The following KCNK13 variants were observed in gnomAD, a reference collection of about 807,000 sequenced individuals.
The protein encoded by KCNK13 is potassium two pore domain channel subfamily K member 13, also known as potassium channel subfamily K member 13.
In KCNK13, 12 loss-of-function variants were observed where a neutral mutation model predicts 23.4. The ratio of observed to expected loss-of-function variants is 0.51; its 90% CI spans 0.33 to 0.83. The LOEUF is 0.83. KCNK13 is among the 40% of genes least tolerant of loss of function. KCNK13 has a pLI of 0.02. For synonymous variants in KCNK13, 231 were observed against 229.5 expected (o/e 1.01, Z -0.06); for missense variants, 463 against 556.3 (o/e 0.83, Z 1.69).
At chr14:90,110,071 C>A (rs2401868) in intron 1 of KCNK13, among the ~76,000 whole-genome samples, 114,765 of 152,076 alleles carry the variant, frequency 0.75, 43,571 homozygotes, top group East Asian at 0.92. Flanking sequence ...AATGCCGATC[C>A]TTGTGACAGC....
intron 1 of KCNK13, among the ~76,000 whole-genome samples, chr14:90,090,529 G>A (rs1346220320): frequency 1.3e-5 from 2 of 152,200 alleles, no homozygotes; most frequent in Non-Finnish European, 2.9e-5. Flanking sequence ...GTAGACTTTT[G>A]AGTTAATGCT....
intron 1 of KCNK13, among the ~76,000 whole-genome samples, chr14:90,116,909 A>T (rs1028813695): frequency 2.0e-5 from 3 of 152,134 alleles, no homozygotes; most frequent in Non-Finnish European, 4.4e-5. Flanking sequence ...ATATTTAGAG[A>T]ATCTATTTCA....
intron 1 of KCNK13, among the ~76,000 whole-genome samples, chr14:90,093,309 G>A (rs1292085510): frequency 1.3e-5 from 2 of 152,180 alleles, no homozygotes; most frequent in East Asian, 1.9e-4. Context: ...TGAGCAGAAC[G>A]TTCCCCAAAC....
chr14:90,066,390 C>T (rs1889009984), intron 1 of KCNK13, among the ~76,000 whole-genome samples: 2 of 152,026 alleles, frequency 1.3e-5, no homozygotes, highest in Admixed American at 6.6e-5. Flanking sequence ...CCTTGGCCTC[C>T]CAAGTAGCTG....
At chr14:90,078,959 G>T (rs1302369558) in intron 1 of KCNK13, among the ~76,000 whole-genome samples, 1 of 152,208 alleles carries the variant, frequency 6.6e-6, no homozygotes, top group Non-Finnish European at 1.5e-5. Flanking sequence ...GTGTTACAAA[G>T]CCCTGAAAAG....
intron 1 of KCNK13, among the ~76,000 whole-genome samples, chr14:90,129,059 T>C (rs1327626614): frequency 6.6e-6 from 1 of 152,192 alleles, no homozygotes; most frequent in Admixed American, 6.6e-5. Context: ...CTAAGCAATG[T>C]ATTGCTTCAC....
intron 1 of KCNK13, among the ~76,000 whole-genome samples, chr14:90,134,007 C>A (rs1414197350): frequency 6.6e-6 from 1 of 152,174 alleles, no homozygotes; most frequent in African/African-American, 2.4e-5. Context: ...TGTATCAAGT[C>A]CCAACAATGT....
chr14:90,127,648 T>TA (rs11323596), intron 1 of KCNK13, among the ~76,000 whole-genome samples: 65 of 137,896 alleles, frequency 4.7e-4, no homozygotes, highest in Admixed American at 5.8e-4. Context: ...CCCCCAACTC[T>TA]AAAAAAAAAA....
intron 1 of KCNK13, among the ~76,000 whole-genome samples, chr14:90,087,154 A>ATTTTTTTT (rs1555401789): frequency 2.8e-5 from 3 of 107,650 alleles, no homozygotes; most frequent in African/African-American, 3.8e-5. Context: ...ATATATATAT[A>ATTTTTTTT]TTTTTTTTTT....
At chr14:90,173,899 T>C (rs1055402368) in intron 1 of KCNK13, among the ~76,000 whole-genome samples, 1 of 152,186 alleles carries the variant, frequency 6.6e-6, no homozygotes, top group African/African-American at 2.4e-5. Context: ...CTCACAGTTC[T>C]GCATGGCTGA....
intron 1 of KCNK13, among the ~76,000 whole-genome samples, chr14:90,161,568 T>G (rs868028376): frequency 6.6e-6 from 1 of 152,252 alleles, no homozygotes; most frequent in Middle Eastern, 3.4e-3. Context: ...TGTGACAAGA[T>G]TTGTGCAGAA....
intron 1 of KCNK13, among the ~76,000 whole-genome samples, chr14:90,076,985 A>G (rs1257589220): frequency 4.6e-5 from 7 of 151,338 alleles, no homozygotes; most frequent in Admixed American, 2.6e-4. Flanking sequence ...ACACCTGGCT[A>G]ATTTTTTGTA....
intron 1 of KCNK13, among the ~76,000 whole-genome samples, chr14:90,158,542 T>G (rs1187945702): frequency 6.6e-6 from 1 of 152,148 alleles, no homozygotes; most frequent in African/African-American, 2.4e-5. Context: ...AGTCCTACTT[T>G]TGAATGGTTT....
At chr14:90,126,322 G>A (rs1454724243) in intron 1 of KCNK13, among the ~76,000 whole-genome samples, 1 of 152,094 alleles carries the variant, frequency 6.6e-6, no homozygotes, top group African/African-American at 2.4e-5. Context: ...AGCACGGGCC[G>A]AGGAATGTCT....
chr14:90,132,079 A>C (rs78761779), intron 1 of KCNK13, among the ~76,000 whole-genome samples: 15,075 of 152,322 alleles, frequency 0.099, 1,055 homozygotes, highest in Admixed American at 0.25. Context: ...CTATACATAC[A>C]ATGGAATATC....
At chr14:90,067,564 A>G (rs933069964) in intron 1 of KCNK13, among the ~76,000 whole-genome samples, 2 of 152,190 alleles carry the variant, frequency 1.3e-5, no homozygotes, top group Non-Finnish European at 2.9e-5. Context: ...AATTATATTT[A>G]ATGCTATTGA....
intron 1 of KCNK13, among the ~76,000 whole-genome samples, chr14:90,086,186 ATT>A (rs1889273820): frequency 6.6e-6 from 1 of 152,064 alleles, no homozygotes; most frequent in African/African-American, 2.4e-5. Flanking sequence ...GTTTTGGAGA[ATT>A]TTTAAATTTA....
At chr14:90,160,954 C>T (rs1342940533) in intron 1 of KCNK13, among the ~76,000 whole-genome samples, 3 of 151,772 alleles carry the variant, frequency 2.0e-5, no homozygotes, top group Admixed American at 2.0e-4. Flanking sequence ...TTAATATGTA[C>T]CCAAAAGAAT....
intron 1 of KCNK13, among the ~76,000 whole-genome samples, chr14:90,151,688 C>A (rs1890135599): frequency 6.6e-6 from 1 of 151,982 alleles, no homozygotes; most frequent in African/African-American, 2.4e-5. Context: ...GAGTCATATC[C>A]AAAAAATCAT....
Sources: gnomAD v4.1 joint callset for allele counts (sites outside exome capture counted in the v4.1 genomes callset) on GRCh38, gnomAD v4.1.1 for gene constraint, MANE v1.5 for transcripts, NCBI Gene and HGNC (gene_info 2026-07-23, HGNC 2026-07-21) for gene names.